MAPRE2: variants seen among roughly 807,000 people sequenced by gnomAD.
MAPRE2 encodes microtubule associated protein RP/EB family member 2.
Under a neutral mutation model 43.2 loss-of-function variants are expected in MAPRE2, and 13 were observed. That is an observed-to-expected ratio of 0.30 (90% CI 0.20 to 0.48). MAPRE2 has a LOEUF of 0.48. Ranked by LOEUF, MAPRE2 falls within the 20% of genes least tolerant of loss-of-function variation. The probability of loss-of-function intolerance (pLI) is 0.99; values close to 1 mark genes in which losing one functional copy is unlikely to be tolerated. For missense variants in MAPRE2, 161 were observed against 400.2 expected (o/e 0.40, Z 5.10); for synonymous variants, 135 against 148.8 (o/e 0.91, Z 0.68).
At chr18:35,038,953 T>C (rs150955437), upstream of MAPRE2, among the ~76,000 whole-genome samples, 130 of 152,302 alleles carry the variant, frequency 8.5e-4, no homozygotes, top group African/African-American at 2.4e-3. Flanking sequence ...TTTTAGACCA[T>C]CAGCCCAAAT....
intron 1 of MAPRE2, among the ~76,000 whole-genome samples, chr18:35,061,706 G>A (rs187926139): frequency 6.6e-6 from 1 of 152,294 alleles, no homozygotes; most frequent in African/African-American, 2.4e-5. Context: ...TTAATACCCA[G>A]TTTTAGGCGA....
intron 2 of MAPRE2, among the ~76,000 whole-genome samples, chr18:35,094,101 C>T (rs143280080): frequency 1.1e-3 from 160 of 152,160 alleles, no homozygotes; most frequent in African/African-American, 3.6e-3. Context: ...AAAAAAATAG[C>T]GACTTTGAAT....
intron 2 of MAPRE2, among the ~76,000 whole-genome samples, chr18:35,014,422 A>G (rs2097036839): frequency 6.7e-6 from 1 of 149,306 alleles, no homozygotes; most frequent in Non-Finnish European, 1.5e-5. Flanking sequence ...AGGTCTCGGC[A>G]GTCTATATAA....
chr18:34,998,871 A>T (rs568390296), intron 1 of MAPRE2, among the ~76,000 whole-genome samples: 1 of 150,862 alleles, frequency 6.6e-6, no homozygotes, highest in South Asian at 2.1e-4. Context: ...ACAGAGCACA[A>T]TACAGGGCAA....
intron 2 of MAPRE2, among the ~76,000 whole-genome samples, chr18:35,013,008 A>C (rs1203829928): frequency 1.3e-5 from 2 of 152,236 alleles, no homozygotes; most frequent in Non-Finnish European, 2.9e-5. Flanking sequence ...AAGGGAAAAT[A>C]GCATTTCAAG....
At chr18:35,099,432 T>C (rs913983642) in intron 3 of MAPRE2, among the ~76,000 whole-genome samples, 5 of 152,112 alleles carry the variant, frequency 3.3e-5, no homozygotes, top group Non-Finnish European at 7.4e-5. Context: ...CTGGTCAACA[T>C]TGTGAGACCC....
At chr18:35,063,310 T>C (rs974158405) in intron 1 of MAPRE2, among the ~76,000 whole-genome samples, 5 of 151,984 alleles carry the variant, frequency 3.3e-5, no homozygotes, top group African/African-American at 9.7e-5. Flanking sequence ...GGTTTCACCG[T>C]GTTAGCCAGG....
At chr18:35,127,251 C>A in intron 5 of MAPRE2, 164 bp downstream of exon 5, 1 of 652,664 alleles carries the variant, frequency 1.5e-6, no homozygotes, top group Non-Finnish European at 2.6e-6. Flanking sequence ...AAATCAGTAG[C>A]CCATGATGAA....
intron 6 of MAPRE2, among the ~76,000 whole-genome samples, chr18:35,132,703 AC>A (rs1469689974): frequency 6.6e-6 from 1 of 152,226 alleles, no homozygotes; most frequent in Non-Finnish European, 1.5e-5. Context: ...AGGAGCTGCC[AC>A]CAGAGTTGCT....
rs540276046 is a variant in MAPRE2, at chr18:34,984,171, T to C, written c.-70+7092T>C. Among the ~76,000 whole-genome samples, 10 of 152,302 alleles carry C rather than the reference T, an allele frequency of 6.6e-5. No individual in the cohort carries two copies. In the South Asian group the frequency reaches 1.9e-3, roughly 28 times the overall value. The stretch of plus-strand genomic sequence containing the variant: ...TGCTCAAAGCTGGAAAGATTACCAT[T>C]AAGATTCTAGAAAGGATATTTGAAA... On this transcript the variant is annotated intron_variant, in intron 1 of 7. Transcript: ENST00000413393.
At chr18:35,070,403 A>T (rs1286053114) in intron 2 of MAPRE2, 81 bp downstream of exon 2, 1 of 1,292,074 alleles carries the variant, frequency 7.7e-7, no homozygotes, top group Non-Finnish European at 1.0e-6. Context: ...CACAGCTGCT[A>T]TATTTTGGGT....
At chr18:35,101,905 A>G in intron 3 of MAPRE2, 41 bp from the exon 4 acceptor site, 1 of 1,450,744 alleles carries the variant, frequency 6.9e-7, no homozygotes, top group Non-Finnish European at 9.4e-7. Context: ...TATATACCCA[A>G]ACGTGAGGTT....
At chr18:35,007,076 T>C (rs910018021) in intron 2 of MAPRE2, among the ~76,000 whole-genome samples, 2 of 152,162 alleles carry the variant, frequency 1.3e-5, no homozygotes, top group Non-Finnish European at 2.9e-5. Context: ...AGTGGAAAGG[T>C]ACCTGAGGGC....
At chr18:35,037,099 T>A (rs1472114155), upstream of MAPRE2, among the ~76,000 whole-genome samples, 1 of 152,138 alleles carries the variant, frequency 6.6e-6, no homozygotes, top group Non-Finnish European at 1.5e-5. Flanking sequence ...GTAATCATAA[T>A]TGACAATTAT....
intron 1 of MAPRE2, among the ~76,000 whole-genome samples, chr18:35,060,045 A>G (rs1300020662): frequency 6.6e-6 from 1 of 152,202 alleles, no homozygotes; most frequent in Non-Finnish European, 1.5e-5. Flanking sequence ...GCTATATTGC[A>G]TGCGCCTGAT....
intron 2 of MAPRE2, among the ~76,000 whole-genome samples, chr18:35,072,049 A>G (rs1358646195): frequency 6.6e-6 from 1 of 152,234 alleles, no homozygotes; most frequent in African/African-American, 2.4e-5. Context: ...AATGTCTCTA[A>G]AAGTTACTTT....
chr18:35,034,289 C>T (rs1411634097), intron 2 of MAPRE2, among the ~76,000 whole-genome samples: 2 of 152,182 alleles, frequency 1.3e-5, no homozygotes, highest in African/African-American at 4.8e-5. Context: ...ATAAATGGTG[C>T]TGGGAAAACT....
intron 2 of MAPRE2, among the ~76,000 whole-genome samples, chr18:35,081,817 A>G (rs1907646521): frequency 6.6e-6 from 1 of 151,940 alleles, no homozygotes; most frequent in South Asian, 2.1e-4. Flanking sequence ...ATACCAGTAT[A>G]TTTTACCTTA....
chr18:35,130,504 TG>T, intron 5 of MAPRE2, among the ~76,000 whole-genome samples: 1 of 152,196 alleles, frequency 6.6e-6, no homozygotes, highest in South Asian at 2.1e-4. Flanking sequence ...ATGGGCTCAG[TG>T]TGTGTTTGAA....
Sources: gnomAD v4.1 joint callset for allele counts (sites outside exome capture counted in the v4.1 genomes callset) on GRCh38, gnomAD v4.1.1 for gene constraint, MANE v1.5 for transcripts, NCBI Gene and HGNC (gene_info 2026-07-23, HGNC 2026-07-21) for gene names.